CYTH3: variants seen among roughly 807,000 people sequenced by gnomAD.
CYTH3 encodes cytohesin-3.
In CYTH3, 23 loss-of-function variants were observed where a neutral mutation model predicts 55.1. That is an observed-to-expected ratio of 0.42 (90% confidence interval 0.30 to 0.59). The LOEUF is 0.59. Ranked by LOEUF, CYTH3 falls within the 20% of genes least tolerant of loss-of-function variation. The pLI is 0.20. For synonymous variants in CYTH3, 249 were observed against 194.9 expected (o/e 1.28, Z -2.31); for missense variants, 413 against 524.8 (o/e 0.79, Z 2.08).
chr7:6,237,458 C>G (rs1334568941), intron 1 of CYTH3, among the ~76,000 whole-genome samples: 1 of 152,116 alleles, frequency 6.6e-6, no homozygotes, highest in African/African-American at 2.4e-5. Context: ...ACCTGTAATC[C>G]CAGCACTTTG....
At chr7:6,189,555 T>C (rs1420373411) in intron 2 of CYTH3, among the ~76,000 whole-genome samples, 2 of 151,932 alleles carry the variant, frequency 1.3e-5, no homozygotes, top group Admixed American at 6.6e-5. Context: ...GAGATCCTCC[T>C]GCCTTGGCCT....
At chr7:6,230,600 G>A (rs548390935) in intron 1 of CYTH3, among the ~76,000 whole-genome samples, 6 of 152,222 alleles carry the variant, frequency 3.9e-5, no homozygotes, top group Admixed American at 2.0e-4. Context: ...AGACCTAAGC[G>A]TCCACAATAC....
chr7:6,262,080 C>T (rs1190953509), intron 1 of CYTH3, among the ~76,000 whole-genome samples: 8 of 151,992 alleles, frequency 5.3e-5, no homozygotes, highest in Non-Finnish European at 1.2e-4. Flanking sequence ...ACGAGTTCAA[C>T]AGCAATTACA....
chr7:6,222,283 T>C (rs768487620), intron 1 of CYTH3, among the ~76,000 whole-genome samples: 3 of 152,322 alleles, frequency 2.0e-5, no homozygotes, highest in Non-Finnish European at 4.4e-5. Flanking sequence ...TAAAATGTGA[T>C]ACCAAATGAG....
rs758752571 is a variant in CYTH3, at chr7:6,165,608, C to G, written c.909G>C (p.Glu303Asp). Reference protein sequence around the residue: ...LYYFEYTTDKEPRGIIPLENL... With the variant: ...LYYFEYTTDKDPRGIIPLENL... ...TTTCCAACGGGATGATTCCCCTGGG[C>G]TCCTTATCCTACAAGAGGAAAGTAC... Residue 303 changes from glutamate (E) to aspartate (D), a missense_variant, in exon 11 of 13, where the codon GAG becomes GAC. Physicochemically the swap from Glu to Asp is conservative, Grantham distance 45 (BLOSUM62 2). This residue lies in a region of CYTH3 where 7 missense variants were observed against 28.4 expected (regional missense o/e 0.25). Coordinates refer to ENST00000350796, the MANE Select transcript of CYTH3 (RefSeq NM_004227.4). 1.2e-6 allele frequency: 2 copies of G among 1,614,014 alleles called. No individual in the cohort carries two copies. The highest frequency in any genetic ancestry group is 1.7e-6 in the Non-Finnish European group (2 of 1,179,930).
chr7:6,265,618 C>CAAAA lies in CYTH3; in HGVS notation c.34+6852_34+6855dup, dbSNP rs111748997. Among the ~76,000 whole-genome samples the CAAAA allele has an allele frequency of 1.8e-3, 202 of 109,866 alleles. 1 individual carries two copies. The highest frequency in any genetic ancestry group is 2.8e-3 in the Non-Finnish European group (150 of 53,980). 72.1% of individuals were successfully genotyped at this position (109,866 alleles called of 152,430 possible). On this transcript the variant is annotated intron_variant, in intron 1 of 12. Transcript: ENST00000350796. ...CAGGTGACAGAGCAAGACTCCATTTCAAAAAAAAAAAAAAAAAGAAGAAGA... is the reference window on the plus strand; with the variant it reads ...CAGGTGACAGAGCAAGACTCCATTTCAAAAAAAAAAAAAAAAAAAAAGAAGAAGA...
Position 6,202,618 on chromosome 7 carries a change from C to A in CYTH3, c.35-12087G>T, listed in dbSNP as rs142821077. ...GGCTGGGATTACAGGCATGCGCCGC[C>A]ACGCCCAACTAATTTTGTTTTTTTA... On this transcript the variant is annotated intron_variant, in intron 1 of 12. Coordinates refer to ENST00000350796, the MANE Select transcript of CYTH3 (RefSeq NM_004227.4). Among the ~76,000 whole-genome samples, 4 of 152,262 alleles carry A rather than the reference C, an allele frequency of 2.6e-5. No homozygotes were observed. In the East Asian group the frequency reaches 7.7e-4, roughly 29 times the overall value.
intron 1 of CYTH3, among the ~76,000 whole-genome samples, chr7:6,214,439 T>A (rs1784385319): frequency 6.6e-6 from 1 of 152,220 alleles, no homozygotes; most frequent in Non-Finnish European, 1.5e-5. Flanking sequence ...GCTTTAAAAA[T>A]TACTACTTTT....
intron 1 of CYTH3, among the ~76,000 whole-genome samples, chr7:6,196,720 C>CA (rs1381967977): frequency 6.6e-6 from 1 of 152,162 alleles, no homozygotes; most frequent in African/African-American, 2.4e-5. Context: ...CTCAGCCTCT[C>CA]AAAGTGCTGG....
At chr7:6,180,907 C>G (rs1490538666) in intron 4 of CYTH3, among the ~76,000 whole-genome samples, 2 of 152,022 alleles carry the variant, frequency 1.3e-5, no homozygotes, top group Middle Eastern at 3.2e-3. Flanking sequence ...TTACTTTAGC[C>G]CAATCAAATC....
intron 4 of CYTH3, 109 bp downstream of exon 4, chr7:6,186,941 T>A (rs1172327584): frequency 9.0e-7 from 1 of 1,115,850 alleles, no homozygotes; most frequent in Non-Finnish European, 1.3e-6. Context: ...CCCAGTCTTT[T>A]ATGAGGTGAC....
intron 1 of CYTH3, among the ~76,000 whole-genome samples, chr7:6,208,467 G>C (rs2128548631): frequency 6.6e-6 from 1 of 152,276 alleles, no homozygotes. Context: ...CTAAACCTAA[G>C]GGCCAAGGAC....
At chr7:6,187,953 G>T (rs922346340) in intron 2 of CYTH3, among the ~76,000 whole-genome samples, 7 of 152,148 alleles carry the variant, frequency 4.6e-5, no homozygotes, top group Admixed American at 4.6e-4. Context: ...CAGGTTCAGA[G>T]GGGTCCACTC....
chr7:6,205,684 G>A lies in CYTH3; in HGVS notation c.35-15153C>T, dbSNP rs150760413. Reference sequence around the variant, plus strand: ...TAACAACTTAAGATGCTACCACAGCGTGGGCAATATAGCAAGGCCCTGTCT... The same window carrying A: ...TAACAACTTAAGATGCTACCACAGCATGGGCAATATAGCAAGGCCCTGTCT... On this transcript the variant is annotated intron_variant, in intron 1 of 12. Coordinates refer to ENST00000350796, the MANE Select transcript of CYTH3 (RefSeq NM_004227.4). Among the ~76,000 whole-genome samples, 55 of 151,928 alleles carry A rather than the reference G, an allele frequency of 3.6e-4. No homozygotes were observed. The East Asian group carries it at 5.0e-3, about 14-fold the overall frequency.
chr7:6,259,795 AT>A (rs1352403258), intron 1 of CYTH3, among the ~76,000 whole-genome samples: 67 of 14,606 alleles, frequency 4.6e-3, no homozygotes, highest in African/African-American at 0.017. Context: ...ATATATATAT[AT>A]ATATATATAT....
intron 4 of CYTH3, among the ~76,000 whole-genome samples, chr7:6,180,005 G>C (rs1050467803): frequency 3.3e-5 from 5 of 151,986 alleles, no homozygotes; most frequent in African/African-American, 1.2e-4. Context: ...CCTGAAAACA[G>C]AGCCTAGGGC....
intron 4 of CYTH3, among the ~76,000 whole-genome samples, chr7:6,180,860 A>G (rs559129139): frequency 2.8e-4 from 43 of 152,146 alleles, no homozygotes; most frequent in Non-Finnish European, 4.4e-4. Context: ...ATTTTATTTT[A>G]TATTATTTTA....
chr7:6,242,989 G>A (rs1430726437), intron 1 of CYTH3, among the ~76,000 whole-genome samples: 1 of 152,132 alleles, frequency 6.6e-6, no homozygotes, highest in Non-Finnish European at 1.5e-5. Flanking sequence ...TGCCATGGGT[G>A]TCCTGGGACA....
In CYTH3 at chr7:6,187,697, C is replaced by A. The variant is rs777415508; in HGVS notation, c.142G>T (p.Val48Leu). The change falls in exon 3 of 13, where the codon GTG (valine) becomes TTG (leucine). Residue 48 changes from valine to leucine, a missense_variant. Physicochemically the swap from Val to Leu is conservative, Grantham distance 32. Around this residue, in one of 4 missense-constraint regions of CYTH3, gnomAD observed 152 missense variants for 148.1 expected, o/e 1.03. Coordinates refer to ENST00000350796, the MANE Select transcript of CYTH3 (RefSeq NM_004227.4). ...IERLKYEIAE[V>L]MTEIDNLTSV... ...GTTAGATTGTCGATCTCTGTCATCA[C>A]CTCTGCAATTTCATATTTCAGCCTC... 6.2e-7 allele frequency: 1 copy of A among 1,614,166 alleles called. No homozygotes were observed. Among genetic ancestry groups the A allele is most frequent in the Admixed American group, 1.7e-5 (1 of 60,034 alleles).
Sources: gnomAD v4.1 joint callset for allele counts (sites outside exome capture counted in the v4.1 genomes callset) on GRCh38, gnomAD v4.1.1 for gene constraint, gnomAD v4.1.1 regional missense constraint, MANE v1.5 for transcripts, NCBI Gene and HGNC (gene_info 2026-07-23, HGNC 2026-07-21) for gene names.